The following CFAP61 variants were observed in gnomAD, a reference collection of about 807,000 sequenced individuals.
CFAP61 encodes the protein cilia- and flagella-associated protein 61.
A neutral mutation model predicts 135.6 loss-of-function variants in CFAP61; 107 were observed. The ratio of observed to expected loss-of-function variants is 0.79; its 90% CI spans 0.67 to 0.93. The LOEUF (loss-of-function observed/expected upper bound fraction) is 0.93. Among genes scored for constraint, CFAP61 ranks in the 40% least tolerant of loss-of-function variants. CFAP61 has a pLI of 0.00. For synonymous variants in CFAP61, 575 were observed against 578.5 expected (o/e 0.99, Z 0.09); for missense variants, 1,507 against 1,556.2 (o/e 0.97, Z 0.53).
intron 17 of CFAP61, chr20:20,200,916 C>T (rs2056586638): frequency 2.0e-6 from 2 of 985,252 alleles, no homozygotes; most frequent in South Asian, 9.4e-5. Flanking sequence ...GGGGAGGGCA[C>T]CTCCATCAGA....
intron 15 of CFAP61, among the ~76,000 whole-genome samples, chr20:20,196,061 A>G (rs1025691584): frequency 6.6e-6 from 1 of 152,214 alleles, no homozygotes. Flanking sequence ...AGCCTGGGTG[A>G]CAGAGTGATA....
intron 13 of CFAP61, 62 bp downstream of exon 13, chr20:20,169,522 G>A (rs2054071791): frequency 1.5e-6 from 2 of 1,346,336 alleles, no homozygotes. Flanking sequence ...AAGGGAACAA[G>A]GAACTCCCTG....
chr20:20,165,226 C>G (rs2053730526), intron 11 of CFAP61, among the ~76,000 whole-genome samples: 1 of 152,124 alleles, frequency 6.6e-6, no homozygotes, highest in African/African-American at 2.4e-5. Flanking sequence ...CGGGATGGGC[C>G]CAGCTTTTTC....
intron 23 of CFAP61, among the ~76,000 whole-genome samples, chr20:20,289,546 C>T (rs1485859333): frequency 2.0e-5 from 3 of 152,178 alleles, no homozygotes; most frequent in African/African-American, 4.8e-5. Flanking sequence ...TACAAAATTA[C>T]GTGTTCCCTT....
At position 20,270,492 on chromosome 20, in the gene CFAP61, A is replaced by T. The variant is rs575408277; in HGVS notation, c.2504-6674A>T. Among the ~76,000 whole-genome samples, 5 of 152,324 alleles carry T rather than the reference A, an allele frequency of 3.3e-5. No homozygotes were observed. In the East Asian group the frequency reaches 9.6e-4, roughly 29 times the overall value. Reference sequence around the variant, plus strand: ...ACTAAAAGAATTAGCACTTTATTTTACTTCTTGAACTTAATAGGGAAATCA... The same window carrying T: ...ACTAAAAGAATTAGCACTTTATTTTTCTTCTTGAACTTAATAGGGAAATCA... On this transcript the variant is annotated intron_variant, in intron 21 of 26. Transcript: ENST00000245957.
chr20:20,140,266 A>G (rs1434780435), intron 8 of CFAP61, among the ~76,000 whole-genome samples: 1 of 151,006 alleles, frequency 6.6e-6, no homozygotes, highest in Non-Finnish European at 1.5e-5. Context: ...ATATGTATAC[A>G]TATGCCATGC....
At chr20:20,243,884 G>A (rs2050215067) in intron 18 of CFAP61, among the ~76,000 whole-genome samples, 1 of 152,186 alleles carries the variant, frequency 6.6e-6, no homozygotes, top group African/African-American at 2.4e-5. Context: ...TACAGGCATT[G>A]GGTAAATACA....
rs866991463 is a variant in CFAP61 at position 20,252,273 on chromosome 20, A to T, written c.2328+510A>T. 2.6e-5 allele frequency among the ~76,000 whole-genome samples: 4 copies of T among 151,896 alleles called. No individual in the cohort carries two copies. The South Asian group carries it at 8.3e-4, about 32-fold the overall frequency. ...GTGTCCATGCTTTCCTTTTAGTTAA[A>T]CTCTCCATCCACATTTGAGTAAAGC... On this transcript the variant is annotated intron_variant, in intron 20 of 26. Coordinates refer to ENST00000245957, the MANE Select transcript of CFAP61 (RefSeq NM_015585.4).
At chr20:20,134,870 A>G (rs1463522450) in intron 8 of CFAP61, among the ~76,000 whole-genome samples, 1 of 152,180 alleles carries the variant, frequency 6.6e-6, no homozygotes, top group Non-Finnish European at 1.5e-5. Context: ...TTGGGTAAAT[A>G]CACTGCATTC....
chr20:20,266,128 C>G (rs1158712862), intron 21 of CFAP61, among the ~76,000 whole-genome samples: 2 of 152,228 alleles, frequency 1.3e-5, no homozygotes, highest in East Asian at 3.8e-4. Flanking sequence ...GCTTCTCTGG[C>G]AGGCTGAAAT....
Position 20,130,074 on chromosome 20 carries a change from G to A in CFAP61, c.860-12783G>A, listed in dbSNP as rs557756055. 4.6e-5 allele frequency among the ~76,000 whole-genome samples: 7 copies of A among 151,774 alleles called. No homozygotes were observed. In the East Asian group the frequency reaches 1.3e-3, roughly 29 times the overall value. On this transcript the variant is annotated intron_variant, in intron 8 of 26. Coordinates refer to ENST00000245957, the MANE Select transcript of CFAP61 (RefSeq NM_015585.4). ...GGAGGCCAAGGCGGGCAGATCATGA[G>A]GTCAGGAGTTTGAGACCAGCCTGGC...
intron 8 of CFAP61, among the ~76,000 whole-genome samples, chr20:20,114,439 T>C (rs1286668608): frequency 1.4e-4 from 22 of 152,182 alleles, no homozygotes; most frequent in Admixed American, 1.4e-3. Context: ...GATAATTAAG[T>C]GTCTTAGTTT....
At chr20:20,305,466 T>A (rs2056414262) in intron 25 of CFAP61, among the ~76,000 whole-genome samples, 1 of 152,248 alleles carries the variant, frequency 6.6e-6, no homozygotes. Context: ...GGTGCCTGTT[T>A]TTCCGGATTT....
intron 2 of CFAP61, among the ~76,000 whole-genome samples, chr20:20,064,032 A>ACCCCCCCCCCCCC (rs373522191): frequency 9.7e-5 from 11 of 113,214 alleles, no homozygotes; most frequent in Non-Finnish European, 1.2e-4. Context: ...AAATAGAGTA[A>ACCCCCCCCCCCCC]CCGCCCCCCA....
At chr20:20,277,522 G>A in intron 22 of CFAP61, 64 bp downstream of exon 22, 5 of 1,501,088 alleles carry the variant, frequency 3.3e-6, no homozygotes, top group Non-Finnish European at 4.5e-6. Flanking sequence ...AAGGGATTTG[G>A]GGGTCTGGAA....
intron 7 of CFAP61, among the ~76,000 whole-genome samples, chr20:20,096,746 A>G (rs929295443): frequency 6.6e-6 from 1 of 152,268 alleles, no homozygotes; most frequent in African/African-American, 2.4e-5. Flanking sequence ...CTGAAATTAC[A>G]GAGAAGCTAG....
At chr20:20,089,386 T>TA (rs2047019930) in intron 6 of CFAP61, among the ~76,000 whole-genome samples, 3 of 148,174 alleles carry the variant, frequency 2.0e-5, no homozygotes, top group African/African-American at 7.4e-5. Flanking sequence ...GCCCTGAGCT[T>TA]TATATATATA....
rs6046715 is a variant in CFAP61 at position 20,187,921 on chromosome 20, C to G, written c.1386-9C>G. The stretch of plus-strand genomic sequence containing the variant: ...TTTAACTTAAAAATATATTCCTCTC[C>G]TTACCCAGGTCCATTAATATAAGAT... On this transcript the variant is annotated splice_polypyrimidine_tract_variant and intron_variant, in intron 13 of 26. Transcript: ENST00000245957. 6.2e-7 allele frequency: 1 copy of G among 1,610,540 alleles called. No homozygotes were observed. Among genetic ancestry groups the G allele is most frequent in the Non-Finnish European group, 8.5e-7 (1 of 1,176,894 alleles).
chr20:20,256,341 T>TACA (rs2051566542), intron 20 of CFAP61, among the ~76,000 whole-genome samples: 1 of 151,538 alleles, frequency 6.6e-6, no homozygotes, highest in Non-Finnish European at 1.5e-5. Flanking sequence ...AAGAGAACAA[T>TACA]ACAATATTTG....
Sources: gnomAD v4.1 joint callset for allele counts (sites outside exome capture counted in the v4.1 genomes callset) on GRCh38, gnomAD v4.1.1 for gene constraint, MANE v1.5 for transcripts, NCBI Gene and HGNC (gene_info 2026-07-23, HGNC 2026-07-21) for gene names.